VIPR1: variants seen among roughly 807,000 people sequenced by gnomAD.
VIPR1 encodes vasoactive intestinal peptide receptor 1.
VIPR1 carries 59 observed loss-of-function variants against 58.8 expected under a neutral mutation model. The ratio of observed to expected loss-of-function variants is 1.00; its 90% confidence interval spans 0.81 to 1.25. The LOEUF (loss-of-function observed/expected upper bound fraction) is 1.25. Ranked by LOEUF, VIPR1 falls within the 50% of genes most tolerant of loss-of-function variation. The probability of loss-of-function intolerance (pLI) is 0.00; values close to 1 mark genes in which losing one functional copy is unlikely to be tolerated. For missense variants in VIPR1, 626 were observed against 602.7 expected (o/e 1.04, Z -0.40); for synonymous variants, 251 against 242.1 (o/e 1.04, Z -0.34).
At chr3:42,527,583 C>T in intron 5 of VIPR1, 87 bp downstream of exon 5, 2 of 1,272,976 alleles carry the variant, frequency 1.6e-6, no homozygotes, top group South Asian at 2.5e-5. Flanking sequence ...CAGGCGTGCC[C>T]CGACCCCTCC....
rs59106663 is a variant in VIPR1, at chr3:42,522,080, A to AATATATATATATATATATATAT, written c.292+2751_292+2772dup. ...TCTTTCATCTGTGTTTCTACCTTCG[A>AATATATATATATATATATATAT]ATATATATATATATATATATATTTT... On this transcript the variant is annotated intron_variant, in intron 3 of 12. Coordinates refer to ENST00000325123, the MANE Select transcript of VIPR1 (RefSeq NM_004624.4). Among the ~76,000 whole-genome samples, 100 of 52,924 alleles carry AATATATATATATATATATATAT rather than the reference A, an allele frequency of 1.9e-3. 1 individual carries two copies. Among genetic ancestry groups the AATATATATATATATATATATAT allele is most frequent in the African/African-American group, 2.1e-3 (26 of 12,212 alleles). 34.7% of individuals were successfully genotyped at this position (52,924 alleles called of 152,430 possible).
At chr3:42,509,235 C>G (rs1464735033) in intron 1 of VIPR1, 1 of 152,274 alleles carries the variant, frequency 6.6e-6, no homozygotes, top group African/African-American at 2.4e-5. Flanking sequence ...AGCTTCTCCT[C>G]GGAGGGACTC....
chr3:42,502,531 C>A, upstream of VIPR1: 1 of 369,638 alleles, frequency 2.7e-6, no homozygotes, highest in Non-Finnish European at 4.7e-6. Context: ...TGCGCGGCGG[C>A]CCCGCCTCCA....
chr3:42,518,796 C>T (rs747501742), intron 2 of VIPR1, among the ~76,000 whole-genome samples: 2 of 152,188 alleles, frequency 1.3e-5, no homozygotes, highest in Non-Finnish European at 2.9e-5. Context: ...AGGCTCTGGT[C>T]ATTATGAAAG....
At chr3:42,533,894 G>C (rs1701710233) in intron 10 of VIPR1, 1 of 152,296 alleles carries the variant, frequency 6.6e-6, no homozygotes, top group Non-Finnish European at 1.5e-5. Flanking sequence ...GACTTCCTTG[G>C]ACTGACTGCT....
At chr3:42,527,521 C>G (rs200788566) in intron 5 of VIPR1, 25 bp downstream of exon 5, 15 of 1,608,516 alleles carry the variant, frequency 9.3e-6, no homozygotes, top group Middle Eastern at 3.3e-4. Context: ...AAGTCACAGG[C>G]CTCAAAGCAA....
intron 2 of VIPR1, among the ~76,000 whole-genome samples, chr3:42,518,504 C>G (rs988858731): frequency 6.6e-6 from 1 of 152,080 alleles, no homozygotes; most frequent in Non-Finnish European, 1.5e-5. Context: ...TTTGGGAGGC[C>G]AAGGTGGGAG....
intron 1 of VIPR1, chr3:42,489,688 G>A (rs1699632109): frequency 6.6e-6 from 1 of 152,252 alleles, no homozygotes; most frequent in Non-Finnish European, 1.5e-5. Context: ...GGTAGGGTAA[G>A]ACCCAGCCCT....
In VIPR1 at chr3:42,525,945, G is replaced by C. The variant is rs757213503; in HGVS notation, c.351G>C (p.Pro117=). ...DEGWTHLEPG[P]YPIACGLDDK... The stretch of plus-strand genomic sequence containing the variant: ...GCTGGACGCACCTGGAGCCTGGCCC[G>C]TACCCCATTGCCTGTGGTTTGGATG... Residue 117 remains proline, a synonymous_variant, in exon 4 of 13, where the codon CCG becomes CCC. Transcript: ENST00000325123. 3.1e-6 allele frequency: 5 copies of C among 1,613,382 alleles called. No individual in the cohort carries two copies. Among genetic ancestry groups the C allele is most frequent in the Non-Finnish European group, 4.2e-6 (5 of 1,179,776 alleles).
chr3:42,522,508 G>A (rs1701003325), intron 3 of VIPR1, among the ~76,000 whole-genome samples: 1 of 152,114 alleles, frequency 6.6e-6, no homozygotes, highest in African/African-American at 2.4e-5. Context: ...CATGTCTGTG[G>A]GGTCTATGGG....
intron 1 of VIPR1, among the ~76,000 whole-genome samples, chr3:42,493,877 C>A (rs1299011906): frequency 6.6e-6 from 1 of 152,194 alleles, no homozygotes; most frequent in African/African-American, 2.4e-5. Context: ...CTGGGCCCAT[C>A]CCTTTCTGGA....
At chr3:42,532,466 C>T in intron 10 of VIPR1, 133 bp downstream of exon 10, 1 of 963,340 alleles carries the variant, frequency 1.0e-6, no homozygotes, top group East Asian at 2.6e-5. Context: ...TTCCCACCTC[C>T]ACCATGGCCT....
chr3:42,527,570 GCC>G, intron 5 of VIPR1, 74 bp downstream of exon 5: 1 of 1,422,860 alleles, frequency 7.0e-7, no homozygotes, highest in Non-Finnish European at 9.8e-7. Context: ...GCCCAGCGTG[GCC>G]CAGGCGTGCC....
intron 2 of VIPR1, among the ~76,000 whole-genome samples, chr3:42,514,554 C>G (rs1019233188): frequency 6.6e-6 from 1 of 151,610 alleles, no homozygotes. Flanking sequence ...CACACACACA[C>G]ACACACACAC....
intron 10 of VIPR1, chr3:42,533,684 C>T (rs1270424690): frequency 6.6e-6 from 1 of 152,240 alleles, no homozygotes. Flanking sequence ...AGCTCCCACT[C>T]TACACCTCCC....
intron 1 of VIPR1, among the ~76,000 whole-genome samples, chr3:42,490,265 G>A (rs1246840340): frequency 6.6e-6 from 1 of 152,218 alleles, no homozygotes; most frequent in Non-Finnish European, 1.5e-5. Context: ...GTCAATTCAG[G>A]GTGGCTTCCC....
intron 5 of VIPR1, chr3:42,527,700 A>G: frequency 1.6e-6 from 1 of 639,898 alleles, no homozygotes; most frequent in South Asian, 1.9e-5. Flanking sequence ...AGTCTCCCCT[A>G]GGATGGCCCT....
At chr3:42,504,554 C>A (rs1156494913) in intron 1 of VIPR1, among the ~76,000 whole-genome samples, 1 of 152,054 alleles carries the variant, frequency 6.6e-6, no homozygotes, top group Non-Finnish European at 1.5e-5. Flanking sequence ...GGGCTGGGGT[C>A]TCTTACATCC....
At chr3:42,498,172 A>G (rs1048710569), upstream of VIPR1, among the ~76,000 whole-genome samples, 2 of 152,212 alleles carry the variant, frequency 1.3e-5, no homozygotes, top group Non-Finnish European at 2.9e-5. Flanking sequence ...ACCTCTAGAA[A>G]GAGCTTGCCA....
Sources: allele counts gnomAD v4.1 joint callset (sites outside exome capture counted in the v4.1 genomes callset), GRCh38; gene constraint gnomAD v4.1.1; transcripts MANE v1.5; gene names NCBI Gene and HGNC (gene_info 2026-07-23, HGNC 2026-07-21).